The following FBXW10 variants were observed in gnomAD, a reference collection of about 807,000 sequenced individuals.
FBXW10 encodes F-box and WD repeat domain containing 10.
A neutral mutation model predicts 113.1 loss-of-function variants in FBXW10; 68 were observed. The ratio of observed to expected loss-of-function variants is 0.60; its 90% CI spans 0.49 to 0.74. The LOEUF (loss-of-function observed/expected upper bound fraction) is 0.74, where lower values mean the gene tolerates loss of function less well. Ranked by LOEUF, FBXW10 falls within the 30% of genes least tolerant of loss-of-function variation. The pLI is 0.00. For synonymous variants in FBXW10, 289 were observed against 481.6 expected, an observed-to-expected ratio of 0.60 and a Z score of 5.24; for missense variants, 753 against 1,284.5, an observed-to-expected ratio of 0.59 and a Z score of 6.32.
intron 13 of FBXW10, among the ~76,000 whole-genome samples, chr17:18,776,775 C>T (rs1305530460): frequency 1.3e-5 from 2 of 152,016 alleles, no homozygotes; most frequent in East Asian, 3.9e-4. Context: ...AAATGGGGTC[C>T]GCATTTTCTT....
At chr17:18,758,240 T>C (rs1292288755) in intron 6 of FBXW10, 65 bp from the exon 7 acceptor site, 19 of 1,295,638 alleles carry the variant, frequency 1.5e-5, no homozygotes, top group Middle Eastern at 2.7e-4. Context: ...GTCATGGGGC[T>C]AAGTCAGTCC....
Position 18,778,831 on chromosome 17 carries a change from T to G in FBXW10, c.2692T>G (p.Ser898Ala). The G allele has an allele frequency of 6.2e-7, 1 of 1,613,970 alleles. No homozygotes were observed. The highest frequency in any genetic ancestry group is 8.5e-7 in the Non-Finnish European group (1 of 1,179,870). The change falls in exon 14 of 14, where the codon TCT becomes GCT. Residue 898 changes from serine to alanine, a missense_variant. Transcript: ENST00000395665. ...GAAACTGCAGCCCAACTTGAAGATC[T>G]CTTTGCACAGTCCTAGAGTCCAGTC... is the stretch of plus-strand genomic sequence containing the variant. The part of the protein sequence containing the change: ...IQKLQPNLKI[S>A]LHSPRVQSTI...
intron 10 of FBXW10, among the ~76,000 whole-genome samples, chr17:18,768,933 G>GT (rs2035555964): frequency 3.4e-5 from 3 of 88,502 alleles, no homozygotes; most frequent in African/African-American, 3.6e-5. Context: ...AGAAGTTATT[G>GT]ATTTTTTTTT....
chr17:18,764,635 T>C, intron 7 of FBXW10, 107 bp from the exon 8 acceptor site: 1 of 1,549,432 alleles, frequency 6.5e-7, no homozygotes, highest in Non-Finnish European at 8.7e-7. Flanking sequence ...AGCTGAACCA[T>C]GAGAATCTGC....
At chr17:18,750,264 G>A (rs1193076025) in intron 4 of FBXW10, 127 bp downstream of exon 4, 39 of 847,742 alleles carry the variant, frequency 4.6e-5, no homozygotes, top group Non-Finnish European at 6.2e-5. Context: ...TGGCCTTTTA[G>A]GCTTCCTGGG....
intron 1 of FBXW10, 35 bp from the exon 2 acceptor site, chr17:18,747,906 C>G: frequency 6.2e-7 from 1 of 1,613,792 alleles, no homozygotes. Flanking sequence ...ACACCCGCTT[C>G]AAGAGCAACC....
At chr17:18,768,284 T>A (rs1400464429) in intron 9 of FBXW10, among the ~76,000 whole-genome samples, 2 of 152,040 alleles carry the variant, frequency 1.3e-5, no homozygotes, top group East Asian at 3.9e-4. Flanking sequence ...GCCAGGATGG[T>A]CTCAATCTCC....
chr17:18,761,145 T>A (rs2035374035), intron 7 of FBXW10, among the ~76,000 whole-genome samples: 1 of 152,216 alleles, frequency 6.6e-6, no homozygotes, highest in East Asian at 1.9e-4. Context: ...TCTGATCTAG[T>A]CCACTGCCTT....
intron 6 of FBXW10, among the ~76,000 whole-genome samples, chr17:18,758,065 A>G (rs889154200): frequency 1.3e-5 from 2 of 152,208 alleles, no homozygotes; most frequent in African/African-American, 4.8e-5. Context: ...AGAATTGTTA[A>G]AAAATTGCCT....
intron 7 of FBXW10, 50 bp from the exon 8 acceptor site, chr17:18,764,692 T>A: frequency 6.2e-7 from 1 of 1,613,642 alleles, no homozygotes; most frequent in Non-Finnish European, 8.5e-7. Flanking sequence ...CGCAGTATGA[T>A]CCTCTGGGCC....
chr17:18,770,465 G>C (rs2035591902), intron 11 of FBXW10, among the ~76,000 whole-genome samples: 1 of 152,086 alleles, frequency 6.6e-6, no homozygotes, highest in African/African-American at 2.4e-5. Context: ...AGTATGCCCG[G>C]CTAATTTTTA....
chr17:18,777,789 C>T (rs887725071), intron 13 of FBXW10, among the ~76,000 whole-genome samples: 42 of 151,524 alleles, frequency 2.8e-4, no homozygotes, highest in Admixed American at 1.6e-3. Flanking sequence ...GTGATCCACC[C>T]TCCTGGGTCT....
At chr17:18,763,921 G>A (rs2035435804) in intron 7 of FBXW10, among the ~76,000 whole-genome samples, 1 of 146,574 alleles carries the variant, frequency 6.8e-6, no homozygotes, top group Non-Finnish European at 1.5e-5. Flanking sequence ...CTATTCCAGT[G>A]TTATCTCCAC....
At chr17:18,775,101 T>C (rs760708112) in intron 12 of FBXW10, 35 bp from the exon 13 acceptor site, 3 of 1,466,870 alleles carry the variant, frequency 2.0e-6, no homozygotes, top group Non-Finnish European at 2.9e-6. Context: ...TCGAAGTATA[T>C]AATGACTACA....
At chr17:18,750,809 A>C (rs1387535570) in intron 4 of FBXW10, 122 bp from the exon 5 acceptor site, 1 of 1,204,306 alleles carries the variant, frequency 8.3e-7, no homozygotes, top group African/African-American at 1.5e-5. Flanking sequence ...TGCTGCAGCC[A>C]GGGCTTACCC....
chr17:18,769,533 T>G (rs1469818753), intron 10 of FBXW10: 1 of 166,952 alleles, frequency 6.0e-6, no homozygotes, highest in Non-Finnish European at 1.3e-5. Context: ...TCCCAGCACT[T>G]TGGGAGGCCA....
intron 1 of FBXW10, 40 bp downstream of exon 1, chr17:18,744,789 G>A (rs750451171): frequency 6.3e-7 from 1 of 1,594,896 alleles, no homozygotes; most frequent in Non-Finnish European, 8.6e-7. Context: ...GGCCCCCGAA[G>A]ACCAGAAGGC....
intron 7 of FBXW10, among the ~76,000 whole-genome samples, chr17:18,762,707 G>A (rs181948038): frequency 1.2e-4 from 19 of 152,268 alleles, no homozygotes; most frequent in Admixed American, 1.2e-3. Context: ...CCAGTGCCAT[G>A]GCAGGCAGTA....
intron 5 of FBXW10, among the ~76,000 whole-genome samples, chr17:18,754,905 A>AG (rs2035230405): frequency 6.6e-6 from 1 of 152,340 alleles, no homozygotes; most frequent in Admixed American, 6.5e-5. Context: ...TTGTGGGGCA[A>AG]GGGATCTACT....
Sources: gnomAD v4.1 joint callset for allele counts (sites outside exome capture counted in the v4.1 genomes callset) on GRCh38, gnomAD v4.1.1 for gene constraint, MANE v1.5 for transcripts, NCBI Gene and HGNC (gene_info 2026-07-23, HGNC 2026-07-21) for gene names.